Variants in NRG1 observed in about 807,000 individuals in gnomAD.
NRG1 encodes the protein pro-neuregulin-1, membrane-bound isoform.
NRG1 carries 18 observed loss-of-function variants against 63.8 expected under a neutral mutation model. That is an observed-to-expected ratio of 0.28 (90% CI 0.19 to 0.42). The LOEUF (loss-of-function observed/expected upper bound fraction) is 0.42. Among genes scored for constraint, NRG1 ranks in the 10% least tolerant of loss-of-function variants. NRG1 has a pLI of 1.00. For missense variants in NRG1, 762 were observed against 814.7 expected, an observed-to-expected ratio of 0.94 and a Z score of 0.79; for synonymous variants, 302 against 301.3, an observed-to-expected ratio of 1.00 and a Z score of -0.02.
intron 1 of NRG1, among the ~76,000 whole-genome samples, chr8:32,190,326 C>A (rs1046661702): frequency 2.6e-5 from 4 of 152,028 alleles, no homozygotes; most frequent in African/African-American, 7.2e-5. Context: ...ATCTTGACAG[C>A]CTCTGTAGCC....
intron 1 of NRG1, among the ~76,000 whole-genome samples, chr8:31,773,359 A>G (rs1324985498): frequency 6.6e-6 from 1 of 152,176 alleles, no homozygotes; most frequent in African/African-American, 2.4e-5. Flanking sequence ...TTTGAGTTTC[A>G]GTATTCCTCA....
intron 1 of NRG1, among the ~76,000 whole-genome samples, chr8:31,984,942 AAAG>A (rs1809798588): frequency 6.6e-6 from 1 of 152,140 alleles, no homozygotes; most frequent in Non-Finnish European, 1.5e-5. Context: ...TCTGGAAAGA[AAAG>A]AAGTATTTCT....
At chr8:31,978,465 C>G (rs179129) in intron 1 of NRG1, among the ~76,000 whole-genome samples, 3 of 152,018 alleles carry the variant, frequency 2.0e-5, no homozygotes, top group African/African-American at 7.2e-5. Flanking sequence ...TTCTTTGGAA[C>G]CTTTATGCCA....
chr8:31,984,442 A>G (rs1011714139), intron 1 of NRG1, among the ~76,000 whole-genome samples: 1 of 152,092 alleles, frequency 6.6e-6, no homozygotes, highest in Admixed American at 6.6e-5. Flanking sequence ...TTAAAAATAG[A>G]CAGATGATGA....
At chr8:31,868,836 T>C (rs573260375) in intron 1 of NRG1, among the ~76,000 whole-genome samples, 35 of 152,316 alleles carry the variant, frequency 2.3e-4, no homozygotes, top group African/African-American at 7.9e-4. Flanking sequence ...AGCTAATTTC[T>C]AGTAAAGCCA....
At chr8:32,475,041 A>C (rs1291291245) in intron 1 of NRG1, among the ~76,000 whole-genome samples, 1 of 152,132 alleles carries the variant, frequency 6.6e-6, no homozygotes, top group Non-Finnish European at 1.5e-5. Context: ...GAATTTTGGC[A>C]CTGATCTTTC....
chr8:32,343,237 G>C (rs1804304679), intron 1 of NRG1, among the ~76,000 whole-genome samples: 1 of 152,000 alleles, frequency 6.6e-6, no homozygotes, highest in Non-Finnish European at 1.5e-5. Flanking sequence ...ATTAATATTT[G>C]GCTTAATATA....
At chr8:32,011,710 G>A (rs1441701578) in intron 1 of NRG1, among the ~76,000 whole-genome samples, 1 of 152,070 alleles carries the variant, frequency 6.6e-6, no homozygotes, top group Non-Finnish European at 1.5e-5. Context: ...GGAAGCAATA[G>A]AAAGTCAGGA....
intron 1 of NRG1, among the ~76,000 whole-genome samples, chr8:32,552,592 G>A (rs4236709): frequency 0.76 from 116,134 of 152,120 alleles, 44,646 homozygotes; most frequent in Admixed American, 0.86. Flanking sequence ...TGACCCTAAC[G>A]GGGCAGCCTG....
Position 32,481,333 on chromosome 8 carries a change from T to C in NRG1, c.38-114495T>C, listed in dbSNP as rs118081137. The stretch of plus-strand genomic sequence containing the variant: ...CAGCCTGGGTAACCCATTGAGAACC[T>C]GTCTTAATAAATAAATAAATAAATA... On this transcript the variant is annotated intron_variant, in intron 1 of 10. Transcript: ENST00000519301. 3.1e-4 allele frequency among the ~76,000 whole-genome samples: 43 copies of C among 136,812 alleles called. No individual in the cohort carries two copies. The East Asian group carries it at 9.7e-3, about 31-fold the overall frequency. The allele number at this position is 136,812 out of a possible 152,430, so 89.8% of individuals were successfully genotyped here.
intron 1 of NRG1, among the ~76,000 whole-genome samples, chr8:31,841,957 T>G (rs1432710918): frequency 6.6e-6 from 1 of 152,204 alleles, no homozygotes; most frequent in Non-Finnish European, 1.5e-5. Flanking sequence ...AGCCCCAATA[T>G]GTACAAGAGA....
At chr8:32,746,358 T>C (rs192702450) in intron 7 of NRG1, among the ~76,000 whole-genome samples, 2 of 152,314 alleles carry the variant, frequency 1.3e-5, no homozygotes, top group African/African-American at 4.8e-5. Context: ...GTCAAGACTT[T>C]AAGATTTTAA....
chr8:32,283,521 T>C (rs1346163032), intron 1 of NRG1, among the ~76,000 whole-genome samples: 1 of 152,112 alleles, frequency 6.6e-6, no homozygotes, highest in East Asian at 1.9e-4. Context: ...CCCAACTATA[T>C]AGTAAAATAT....
intron 1 of NRG1, among the ~76,000 whole-genome samples, chr8:32,540,729 A>G (rs1832493192): frequency 6.6e-6 from 1 of 152,192 alleles, no homozygotes; most frequent in Non-Finnish European, 1.5e-5. Context: ...TGGGCGCCAA[A>G]GAATCCTACA....
intron 1 of NRG1, among the ~76,000 whole-genome samples, chr8:32,583,091 A>C (rs542005365): frequency 6.6e-6 from 1 of 151,870 alleles, no homozygotes; most frequent in Non-Finnish European, 1.5e-5. Context: ...AAGTATATGT[A>C]GTTTTTCAGA....
chr8:31,795,868 C>T (rs2131686878), intron 1 of NRG1, among the ~76,000 whole-genome samples: 1 of 152,252 alleles, frequency 6.6e-6, no homozygotes, highest in South Asian at 2.1e-4. Flanking sequence ...AATAATTCTA[C>T]TTCGTGTGTG....
At chr8:32,329,643 T>C (rs1384437567) in intron 1 of NRG1, among the ~76,000 whole-genome samples, 3 of 152,160 alleles carry the variant, frequency 2.0e-5, no homozygotes, top group Non-Finnish European at 4.4e-5. Flanking sequence ...TTGGGAATTA[T>C]AGGCTTAGCA....
intron 5 of NRG1, among the ~76,000 whole-genome samples, chr8:32,697,712 A>C (rs1813725320): frequency 6.6e-6 from 1 of 152,250 alleles, no homozygotes; most frequent in South Asian, 2.1e-4. Flanking sequence ...ATAAAAAGAC[A>C]TGGTGATCAC....
intron 1 of NRG1, among the ~76,000 whole-genome samples, chr8:32,059,020 C>T (rs978566340): frequency 2.0e-5 from 3 of 151,890 alleles, no homozygotes; most frequent in African/African-American, 7.3e-5. Flanking sequence ...TTATTATGGC[C>T]ACATAAAAAT....
Sources: allele counts gnomAD v4.1 joint callset (sites outside exome capture counted in the v4.1 genomes callset), GRCh38; gene constraint gnomAD v4.1.1; transcripts MANE v1.5; gene names NCBI Gene and HGNC (gene_info 2026-07-23, HGNC 2026-07-21).